Variants in NOM1 observed in about 807,000 individuals in gnomAD.
NOM1 encodes the protein nucleolar protein with MIF4G domain 1.
Under a neutral mutation model 73.3 loss-of-function variants are expected in NOM1, and 58 were observed. The ratio of observed to expected loss-of-function variants is 0.79; its 90% CI spans 0.64 to 0.99. The LOEUF is 0.99. Among genes scored for constraint, NOM1 ranks in the 50% least tolerant of loss-of-function variants. NOM1 has a pLI of 0.00. For missense variants in NOM1, 1,226 were observed against 1,131.9 expected, an observed-to-expected ratio of 1.08 and a Z score of -1.19; for synonymous variants, 487 against 446.8, an observed-to-expected ratio of 1.09 and a Z score of -1.14.
chr7:156,967,453 G>A (rs1269204522), intron 9 of NOM1, among the ~76,000 whole-genome samples: 2 of 152,220 alleles, frequency 1.3e-5, no homozygotes, highest in African/African-American at 4.8e-5. Context: ...TCACGTTGAT[G>A]TAAGGTGTTT....
chr7:156,960,183 G>A lies in NOM1; in HGVS notation c.1632+9G>A. Reference sequence around the variant, plus strand: ...TTCAGGACCAGACCAGGGTACGCGTGCGACGCTTGATCTGCTTCCTAAGTC... The same window carrying A: ...TTCAGGACCAGACCAGGGTACGCGTACGACGCTTGATCTGCTTCCTAAGTC... On this transcript the variant is annotated intron_variant, in intron 4 of 10. Transcript: ENST00000275820. 1 of 1,602,696 alleles carries A rather than the reference G, an allele frequency of 6.2e-7. No homozygotes were observed. Among genetic ancestry groups the A allele is most frequent in the Non-Finnish European group, 8.5e-7 (1 of 1,176,962 alleles).
Position 156,950,269 on chromosome 7 carries a change from G to A in NOM1, c.532G>A (p.Ala178Thr), listed in dbSNP as rs867052047. The change falls in exon 1 of 11, where the codon GCG becomes ACG. Residue 178 changes from alanine to threonine, a missense_variant. Ala to Thr is a moderately conservative substitution (Grantham distance 58). Transcript: ENST00000275820. ...AAARKRALLA[A>T]NEEEDREIRK... is the part of the protein sequence containing the mutation. ...TGCCCGGAAACGGGCGCTTTTAGCGGCGAACGAGGAGGAGGACCGAGAGAT... is the reference window on the plus strand; with the variant it reads ...TGCCCGGAAACGGGCGCTTTTAGCGACGAACGAGGAGGAGGACCGAGAGAT... 6.2e-7 allele frequency: 1 copy of A among 1,613,940 alleles called. No homozygotes were observed. The highest frequency in any genetic ancestry group is 2.2e-5 in the East Asian group (1 of 44,880).
Position 156,971,396 on chromosome 7 carries a change from C to T in NOM1, c.*1693C>T, listed in dbSNP as rs995599328. On this transcript the variant is annotated 3_prime_UTR_variant, in exon 11 of 11. Transcript: ENST00000275820. ...GGCACTTTCAGATACTATTTATTTA[C>T]TTTTTAAGAGAGAGACAGGCTCACT... is the stretch of plus-strand genomic sequence containing the variant. 7.9e-5 allele frequency: 12 copies of T among 152,228 alleles called. No individual in the cohort carries two copies. Among genetic ancestry groups the T allele is most frequent in the Non-Finnish European group, 1.6e-4 (11 of 68,060 alleles). 9.4% of individuals were successfully genotyped at this position (152,228 alleles called of 1,614,324 possible). A position where few individuals can be genotyped will look rare whatever the true frequency, so the allele number is the denominator to read the frequency against.
rs761519319 is a variant in NOM1, at chr7:156,967,072, C to T, written c.2278C>T (p.Leu760Phe). ...GGCCCACTTGTTGAAGACAAAATCGCTTTCCCTTTCCATCTTAAAGGTTCG... is the reference window on the plus strand; with the variant it reads ...GGCCCACTTGTTGAAGACAAAATCGTTTTCCCTTTCCATCTTAAAGGTTCG... ...LVAHLLKTKSLSLSILKVVEF... is the reference protein window; with the variant it reads ...LVAHLLKTKSFSLSILKVVEF... The change falls in exon 9 of 11, where the codon CTT becomes TTT. Residue 760 changes from leucine (L) to phenylalanine (F), a missense_variant. Transcript: ENST00000275820. The T allele has an allele frequency of 3.1e-6, 5 of 1,612,982 alleles. No individual in the cohort carries two copies. The Admixed American group carries it at 8.4e-5, about 27-fold the overall frequency.
intron 4 of NOM1, among the ~76,000 whole-genome samples, chr7:156,961,236 C>G (rs1324940438): frequency 6.6e-6 from 1 of 152,024 alleles, no homozygotes; most frequent in Non-Finnish European, 1.5e-5. Context: ...GTCCCAGGAG[C>G]CAGGGAACAC....
intron 3 of NOM1, among the ~76,000 whole-genome samples, chr7:156,955,408 G>A (rs1804697191): frequency 6.6e-6 from 1 of 152,226 alleles, no homozygotes; most frequent in African/African-American, 2.4e-5. Flanking sequence ...GGTTGGGTCA[G>A]TGAGGCTTAG....
In NOM1 at chr7:156,970,183, G is replaced by A. The variant is rs1477519874; in HGVS notation, c.*480G>A. 6.6e-6 allele frequency: 1 copy of A among 151,996 alleles called. No individual in the cohort carries two copies. Among genetic ancestry groups the A allele is most frequent in the African/African-American group, 2.4e-5 (1 of 41,302 alleles). 9.4% of individuals were successfully genotyped at this position (151,996 alleles called of 1,614,324 possible). On this transcript the variant is annotated 3_prime_UTR_variant, in exon 11 of 11. Coordinates refer to ENST00000275820, the MANE Select transcript of NOM1 (RefSeq NM_138400.2). ...TAATAGCAGCTACTGAGGTGGCTGAGGCACAAGAATTGCTTGGACCCTGGA... is the reference window on the plus strand; with the variant it reads ...TAATAGCAGCTACTGAGGTGGCTGAAGCACAAGAATTGCTTGGACCCTGGA...
rs1225380831 is a variant in NOM1 at position 156,960,298 on chromosome 7, C to G, written c.1632+124C>G. 6 of 771,208 alleles carry G rather than the reference C, an allele frequency of 7.8e-6. No homozygotes were observed. In the South Asian group the frequency reaches 9.2e-5, roughly 12 times the overall value. The allele number at this position is 771,208 out of a possible 1,614,324, so 47.8% of individuals were successfully genotyped here. On this transcript the variant is annotated intron_variant, in intron 4 of 10. Transcript: ENST00000275820. The stretch of plus-strand genomic sequence containing the variant: ...TCCTAGTGATTTCTGTTTTTTCTGT[C>G]TCATCCTGTTTTCTGGCTTTAATAT...
At chr7:156,961,334 ACGG>A (rs1429825265) in intron 4 of NOM1, among the ~76,000 whole-genome samples, 4 of 152,094 alleles carry the variant, frequency 2.6e-5, no homozygotes, top group Non-Finnish European at 5.9e-5. Flanking sequence ...CTGAATTGTG[ACGG>A]CGGTCCTGAC....
chr7:156,968,605 C>T (rs1805061494), intron 9 of NOM1: 1 of 151,866 alleles, frequency 6.6e-6, no homozygotes, highest in African/African-American at 2.4e-5. Context: ...CTTACTTATC[C>T]TACTGATCCG....
Position 156,971,945 on chromosome 7 carries a change from A to T in NOM1, c.*2242A>T, listed in dbSNP as rs1056684195. 2 of 152,236 alleles carry T rather than the reference A, an allele frequency of 1.3e-5. No individual in the cohort carries two copies. The highest frequency in any genetic ancestry group is 3.2e-3 in the Middle Eastern group (1 of 316). The allele number at this position is 152,236 out of a possible 1,614,324, so 9.4% of individuals were successfully genotyped here. On this transcript the variant is annotated 3_prime_UTR_variant, in exon 11 of 11. Coordinates refer to ENST00000275820, the MANE Select transcript of NOM1 (RefSeq NM_138400.2). ...TACTAAGAGAAGAGTGAATTAAGTG[A>T]AAATCTTCCCTTTGTTAAGGAGCTT...
intron 6 of NOM1, 59 bp from the exon 7 acceptor site, chr7:156,963,846 C>T: frequency 6.4e-7 from 1 of 1,574,574 alleles, no homozygotes; most frequent in Non-Finnish European, 8.6e-7. Context: ...TTTGGCACCT[C>T]TCGGGAGGCA....
intron 6 of NOM1, 51 bp downstream of exon 6, chr7:156,963,226 G>A: frequency 2.5e-6 from 4 of 1,602,450 alleles, no homozygotes; most frequent in Middle Eastern, 1.7e-4. Context: ...CCCCTGTGTG[G>A]TGTGTGGTCC....
chr7:156,964,596 AATC>A lies in NOM1; in HGVS notation c.2033+571_2033+573del, dbSNP rs1804950434. On this transcript the variant is annotated intron_variant, in intron 7 of 10. Coordinates refer to ENST00000275820, the MANE Select transcript of NOM1 (RefSeq NM_138400.2). ...CCATCTCATTTAAAAAGAAAAAAAA[AATC>A]TTTAAATGTACCTGTGTAGTTTTAT... Among the ~76,000 whole-genome samples the A allele has an allele frequency of 2.0e-5, 3 of 152,300 alleles. 1 individual carries two copies. The highest frequency in any genetic ancestry group is 7.2e-5 in the African/African-American group (3 of 41,568).
At chr7:156,964,161 T>C (rs1720025772) in intron 7 of NOM1, 135 bp downstream of exon 7, 3 of 840,862 alleles carry the variant, frequency 3.6e-6, no homozygotes, top group Non-Finnish European at 5.4e-6. Context: ...GACCATCCGC[T>C]CACGCTGTTG....
chr7:156,963,277 T>C (rs1804912645), intron 6 of NOM1, 102 bp downstream of exon 6: 1 of 1,226,466 alleles, frequency 8.2e-7, no homozygotes, highest in Admixed American at 1.8e-5. Context: ...TCTTGAATGG[T>C]CACTGAAATG....
chr7:156,952,590 A>G lies in NOM1; in HGVS notation c.1104A>G (p.Leu368=). 1 of 1,613,238 alleles carries G rather than the reference A, an allele frequency of 6.2e-7. No individual in the cohort carries two copies. Among genetic ancestry groups the G allele is most frequent in the South Asian group, 1.1e-5 (1 of 90,842 alleles). Residue 368 remains leucine, a synonymous_variant, in exon 2 of 11, where the codon CTA becomes CTG. Transcript: ENST00000275820. ...LERLKKHVKG[L]LNRLSEPNMA... Reference sequence around the variant, plus strand: ...GGCTGAAGAAACATGTAAAAGGTCTACTTAACAGGTGACCTTGTAGTGTTG... The same window carrying G: ...GGCTGAAGAAACATGTAAAAGGTCTGCTTAACAGGTGACCTTGTAGTGTTG...
rs536721756 is a variant in NOM1 at position 156,956,317 on chromosome 7, C to T, written c.1308+2019C>T. ...CCTGAGTACAAAACATGCTGTAACG[C>T]GCACGGTCTGTGTCACTTAGATGAA... On this transcript the variant is annotated intron_variant, in intron 3 of 10. Coordinates refer to ENST00000275820, the MANE Select transcript of NOM1 (RefSeq NM_138400.2). Among the ~76,000 whole-genome samples the T allele has an allele frequency of 1.6e-4, 25 of 152,246 alleles. No individual in the cohort carries two copies. In the South Asian group the frequency reaches 4.6e-3, roughly 28 times the overall value.
intron 6 of NOM1, 167 bp from the exon 7 acceptor site, chr7:156,963,738 T>C (rs540225766): frequency 4.8e-6 from 3 of 629,814 alleles, no homozygotes; most frequent in Admixed American, 3.4e-5. Flanking sequence ...GGCTTCACTA[T>C]GTGTTCCCCT....
Sources: allele counts gnomAD v4.1 joint callset (sites outside exome capture counted in the v4.1 genomes callset), GRCh38; gene constraint gnomAD v4.1.1; transcripts MANE v1.5; gene names NCBI Gene and HGNC (gene_info 2026-07-23, HGNC 2026-07-21).